The following SASS6 variants were observed in gnomAD, a reference collection of about 807,000 sequenced individuals.
SASS6 encodes the protein spindle assembly abnormal protein 6 homolog.
SASS6 carries 59 observed loss-of-function variants against 94.9 expected under a neutral mutation model. The ratio of observed to expected loss-of-function variants is 0.62; its 90% confidence interval spans 0.50 to 0.77. SASS6 has a LOEUF of 0.77. Among genes scored for constraint, SASS6 ranks in the 30% least tolerant of loss-of-function variants. SASS6 has a pLI of 0.00. For missense variants in SASS6, 698 were observed against 734.1 expected (o/e 0.95, Z 0.57); for synonymous variants, 264 against 270.0 (o/e 0.98, Z 0.22).
intron 14 of SASS6, among the ~76,000 whole-genome samples, chr1:100,093,590 G>A (rs533570017): frequency 1.3e-5 from 2 of 151,916 alleles, no homozygotes; most frequent in African/African-American, 4.8e-5. Context: ...GCAAAACCCT[G>A]TCTCTACAAA....
At chr1:100,109,883 T>C (rs1423488600) in intron 8 of SASS6, among the ~76,000 whole-genome samples, 4 of 151,954 alleles carry the variant, frequency 2.6e-5, no homozygotes, top group Non-Finnish European at 4.4e-5. Context: ...GCATTAACTA[T>C]TATCTTTACT....
intron 1 of SASS6, among the ~76,000 whole-genome samples, chr1:100,128,701 T>C (rs1279135544): frequency 6.6e-6 from 1 of 152,182 alleles, no homozygotes; most frequent in Non-Finnish European, 1.5e-5. Context: ...AAAAACTCAA[T>C]AAAATGTTAT....
intron 14 of SASS6, among the ~76,000 whole-genome samples, chr1:100,098,112 A>G (rs1342880018): frequency 6.6e-6 from 1 of 152,190 alleles, no homozygotes; most frequent in Non-Finnish European, 1.5e-5. Flanking sequence ...TACCTTAATA[A>G]CCTTTAAATT....
At chr1:100,103,933 C>G (rs1350861594) in intron 13 of SASS6, among the ~76,000 whole-genome samples, 1 of 152,154 alleles carries the variant, frequency 6.6e-6, no homozygotes, top group Non-Finnish European at 1.5e-5. Context: ...CTCCTTGCAA[C>G]AAGGGAAACT....
rs371316220 is a variant in SASS6, at chr1:100,102,615, C to T, written c.1674+340G>A. 2.2e-3 allele frequency among the ~76,000 whole-genome samples: 332 copies of T among 147,942 alleles called. 4 individuals carry two copies. The highest frequency in any genetic ancestry group is 8.1e-3 in the African/African-American group (323 of 39,646). Reference sequence around the variant, plus strand: ...AATCACTGAACCCAGGAGGCAGAGGCTGCAGTGAGCTGAGATTACACCACT... The same window carrying T: ...AATCACTGAACCCAGGAGGCAGAGGTTGCAGTGAGCTGAGATTACACCACT... On this transcript the variant is annotated intron_variant, in intron 14 of 16. Coordinates refer to ENST00000287482, the MANE Select transcript of SASS6 (RefSeq NM_194292.3).
rs541346140 is a variant in SASS6 at position 100,118,660 on chromosome 1, C to T, written c.669+358G>A. On this transcript the variant is annotated intron_variant, in intron 7 of 16. Coordinates refer to ENST00000287482, the MANE Select transcript of SASS6 (RefSeq NM_194292.3). ...TGATACAGAATGGTATCACATTAAG[C>T]GAAGAAAGTTACAATCAATATATCC... 7.2e-5 allele frequency among the ~76,000 whole-genome samples: 11 copies of T among 152,036 alleles called. No homozygotes were observed. In the South Asian group the frequency reaches 1.9e-3, roughly 26 times the overall value.
At chr1:100,131,895 ACG>A in intron 1 of SASS6, among the ~76,000 whole-genome samples, 1 of 152,322 alleles carries the variant, frequency 6.6e-6, no homozygotes, top group African/African-American at 2.4e-5. Context: ...CATTACAAAC[ACG>A]TGAATACGCA....
chr1:100,084,390 T>C lies in SASS6; in HGVS notation c.*938A>G, dbSNP rs182609087. 2.0e-5 allele frequency: 3 copies of C among 151,984 alleles called. No individual in the cohort carries two copies. Among genetic ancestry groups the C allele is most frequent in the African/African-American group, 7.2e-5 (3 of 41,412 alleles). 9.4% of individuals were successfully genotyped at this position (151,984 alleles called of 1,614,324 possible). A position where few individuals can be genotyped will look rare whatever the true frequency, so the allele number is the denominator to read the frequency against. On this transcript the variant is annotated 3_prime_UTR_variant, in exon 17 of 17. Coordinates refer to ENST00000287482, the MANE Select transcript of SASS6 (RefSeq NM_194292.3). ...TGATTCTAGGTGAATTTTAAAAAAATTTTTCCCCAAGGAACAATTCTTAAA... is the reference window on the plus strand; with the variant it reads ...TGATTCTAGGTGAATTTTAAAAAAACTTTTCCCCAAGGAACAATTCTTAAA...
Position 100,107,570 on chromosome 1 carries a change from T to C in SASS6, c.1147-17A>G. ...TTCATTTGCCTATAAAAGAGCTTCA[T>C]ATGTATATTTCTATGTAATTTAATG... On this transcript the variant is annotated splice_polypyrimidine_tract_variant and intron_variant, in intron 10 of 16. Coordinates refer to ENST00000287482, the MANE Select transcript of SASS6 (RefSeq NM_194292.3). 3 of 1,575,382 alleles carry C rather than the reference T, an allele frequency of 1.9e-6. No individual in the cohort carries two copies. The South Asian group carries it at 3.5e-5, about 18-fold the overall frequency.
intron 12 of SASS6, 78 bp from the exon 13 acceptor site, chr1:100,105,981 AT>A (rs1399770078): frequency 1.1e-6 from 1 of 944,496 alleles, no homozygotes; most frequent in Non-Finnish European, 1.5e-6. Flanking sequence ...TTTAAAAATT[AT>A]ATTAAGATTT....
At chr1:100,096,662 T>C (rs1357288347) in intron 14 of SASS6, among the ~76,000 whole-genome samples, 1 of 152,228 alleles carries the variant, frequency 6.6e-6, no homozygotes, top group African/African-American at 2.4e-5. Flanking sequence ...ATCCAGAATA[T>C]ACAAAGAACT....
chr1:100,092,920 T>C (rs369135635), intron 14 of SASS6, among the ~76,000 whole-genome samples: 8 of 152,168 alleles, frequency 5.3e-5, no homozygotes, highest in African/African-American at 1.7e-4. Flanking sequence ...GCAAAAATTA[T>C]AGATTGTCTG....
chr1:100,111,101 T>A (rs1653300167), intron 7 of SASS6, among the ~76,000 whole-genome samples: 1 of 151,962 alleles, frequency 6.6e-6, no homozygotes, highest in African/African-American at 2.4e-5. Context: ...CACTATGAAA[T>A]CCTAAATATC....
At chr1:100,125,754 A>T in intron 2 of SASS6, 128 bp downstream of exon 2, 1 of 650,862 alleles carries the variant, frequency 1.5e-6, no homozygotes, top group Non-Finnish European at 2.7e-6. Context: ...TTGATTTCCA[A>T]CAGTTGCAAA....
At chr1:100,115,092 GA>G (rs1026635892) in intron 7 of SASS6, among the ~76,000 whole-genome samples, 8 of 151,168 alleles carry the variant, frequency 5.3e-5, no homozygotes, top group South Asian at 4.2e-4. Flanking sequence ...TTCTGTGCAA[GA>G]AAAAAAAGGA....
At position 100,130,222 on chromosome 1, in the gene SASS6, T is replaced by C. The variant is rs146970000; in HGVS notation, c.65+2528A>G. On this transcript the variant is annotated intron_variant, in intron 1 of 16. Transcript: ENST00000287482. ...AAATCTTATTTCCCCTATTAAAATGTGAGTTCCTTGAGGGACAGAATGAAA... is the reference window on the plus strand; with the variant it reads ...AAATCTTATTTCCCCTATTAAAATGCGAGTTCCTTGAGGGACAGAATGAAA... Among the ~76,000 whole-genome samples, 565 of 152,320 alleles carry C rather than the reference T, an allele frequency of 3.7e-3. 3 individuals carry two copies. Among genetic ancestry groups the C allele is most frequent in the African/African-American group, 0.013 (523 of 41,574 alleles).
intron 1 of SASS6, among the ~76,000 whole-genome samples, chr1:100,128,182 G>C (rs11166403): frequency 0.044 from 6,728 of 152,056 alleles, 173 homozygotes; most frequent in African/African-American, 0.06. Context: ...GTTTACAGGG[G>C]CACAACACCA....
chr1:100,118,469 T>A (rs1364430678), intron 7 of SASS6, among the ~76,000 whole-genome samples: 5 of 152,224 alleles, frequency 3.3e-5, no homozygotes, highest in Non-Finnish European at 5.9e-5. Context: ...TATACAGATA[T>A]GTTGCAGTTT....
At chr1:100,089,318 G>A (rs903155187) in intron 14 of SASS6, among the ~76,000 whole-genome samples, 2 of 151,976 alleles carry the variant, frequency 1.3e-5, no homozygotes, top group Non-Finnish European at 1.5e-5. Context: ...CACCAAAAAA[G>A]AGAACAAAAC....
Sources: allele counts gnomAD v4.1 joint callset (sites outside exome capture counted in the v4.1 genomes callset), GRCh38; gene constraint gnomAD v4.1.1; transcripts MANE v1.5; gene names NCBI Gene and HGNC (gene_info 2026-07-23, HGNC 2026-07-21).